MGMT: variants seen among roughly 807,000 people sequenced by gnomAD.
MGMT encodes O-6-methylguanine-DNA methyltransferase.
A neutral mutation model predicts 15.9 loss-of-function variants in MGMT; 14 were observed. The ratio of observed to expected loss-of-function variants is 0.88; its 90% CI spans 0.58 to 1.37. MGMT has a LOEUF of 1.37. Ranked by LOEUF, MGMT falls within the 40% of genes most tolerant of loss-of-function variation. The pLI, the probability that MGMT is intolerant of heterozygous loss-of-function variation, is 0.00. For synonymous variants in MGMT, 130 were observed against 118.2 expected (o/e 1.10, Z -0.65); for missense variants, 282 against 268.1 (o/e 1.05, Z -0.36).
intron 1 of MGMT, among the ~76,000 whole-genome samples, chr10:129,518,801 G>A (rs1201805002): frequency 1.3e-5 from 2 of 151,684 alleles, no homozygotes; most frequent in Non-Finnish European, 2.9e-5. Flanking sequence ...GGTATTAGCA[G>A]TTAAGTTTTG....
At chr10:129,718,583 T>C (rs1201862341) in intron 3 of MGMT, among the ~76,000 whole-genome samples, 2 of 152,200 alleles carry the variant, frequency 1.3e-5, no homozygotes, top group African/African-American at 4.8e-5. Flanking sequence ...TCTTCATGGG[T>C]CTTCCAGGAT....
At chr10:129,507,908 A>C (rs1845642030) in intron 1 of MGMT, among the ~76,000 whole-genome samples, 1 of 152,254 alleles carries the variant, frequency 6.6e-6, no homozygotes, top group Non-Finnish European at 1.5e-5. Context: ...TTCTCATTCC[A>C]CCACAGGTTT....
intron 2 of MGMT, among the ~76,000 whole-genome samples, chr10:129,565,263 A>T (rs117716454): frequency 6.6e-6 from 1 of 151,376 alleles, no homozygotes; most frequent in African/African-American, 2.4e-5. Context: ...AATTATAGGT[A>T]CCTTGAGCTA....
At chr10:129,524,174 T>C (rs1845843944) in intron 1 of MGMT, among the ~76,000 whole-genome samples, 1 of 152,114 alleles carries the variant, frequency 6.6e-6, no homozygotes, top group Non-Finnish European at 1.5e-5. Context: ...CGGGGACGGC[T>C]CCAGGGTTCT....
At chr10:129,736,640 C>G (rs1848565824) in intron 3 of MGMT, among the ~76,000 whole-genome samples, 1 of 152,282 alleles carries the variant, frequency 6.6e-6, no homozygotes, top group East Asian at 1.9e-4. Context: ...TTAGTTGATG[C>G]AGTTTTTTCC....
intron 4 of MGMT, among the ~76,000 whole-genome samples, chr10:129,760,359 G>A (rs926000390): frequency 1.3e-5 from 2 of 152,240 alleles, no homozygotes; most frequent in East Asian, 1.9e-4. Flanking sequence ...GTGTGGTCAC[G>A]TTGGCAGTGT....
chr10:129,672,185 G>T (rs1223775979), intron 2 of MGMT, among the ~76,000 whole-genome samples: 1 of 152,216 alleles, frequency 6.6e-6, no homozygotes, highest in Middle Eastern at 3.4e-3. Flanking sequence ...ATTTGTTATA[G>T]GGGTCTAGGT....
intron 2 of MGMT, among the ~76,000 whole-genome samples, chr10:129,579,899 C>G (rs1846532190): frequency 6.6e-6 from 1 of 152,176 alleles, no homozygotes; most frequent in South Asian, 2.1e-4. Flanking sequence ...CAGAAAAGCC[C>G]TTGACACTTT....
intron 1 of MGMT, among the ~76,000 whole-genome samples, chr10:129,524,312 G>A (rs1158860726): frequency 1.3e-5 from 2 of 152,168 alleles, no homozygotes; most frequent in Non-Finnish European, 2.9e-5. Context: ...CATTTTATCT[G>A]TATTTTGCCA....
intron 1 of MGMT, among the ~76,000 whole-genome samples, chr10:129,477,119 G>A (rs1209485778): frequency 6.6e-6 from 1 of 152,148 alleles, no homozygotes; most frequent in Non-Finnish European, 1.5e-5. Flanking sequence ...TCTTCCCAGA[G>A]CAGCCTCTGC....
chr10:129,545,700 C>T (rs1202638764), intron 2 of MGMT, among the ~76,000 whole-genome samples: 2 of 152,190 alleles, frequency 1.3e-5, no homozygotes, highest in Non-Finnish European at 1.5e-5. Flanking sequence ...CTCTCATACT[C>T]TGGAATTTGA....
chr10:129,636,081 AAGTT>A (rs1433138227), intron 2 of MGMT, among the ~76,000 whole-genome samples: 4 of 152,164 alleles, frequency 2.6e-5, no homozygotes, highest in Non-Finnish European at 5.9e-5. Context: ...CTTTTTTCTC[AAGTT>A]AGTTAAGATT....
chr10:129,561,307 G>A (rs967368024), intron 2 of MGMT, among the ~76,000 whole-genome samples: 3 of 152,154 alleles, frequency 2.0e-5, no homozygotes, highest in Non-Finnish European at 4.4e-5. Context: ...AGCGACAGGG[G>A]TGGGTCAGGG....
At chr10:129,740,693 C>T (rs1175824052) in intron 3 of MGMT, among the ~76,000 whole-genome samples, 2 of 152,092 alleles carry the variant, frequency 1.3e-5, no homozygotes, top group African/African-American at 4.8e-5. Flanking sequence ...CATGGGATGC[C>T]TGCAGAGAGG....
rs1273379587 is a variant in MGMT, at chr10:129,767,054, G to A, written c.*57G>A. On this transcript the variant is annotated 3_prime_UTR_variant, in exon 5 of 5. Coordinates refer to ENST00000651593, the MANE Select transcript of MGMT (RefSeq NM_002412.5). ...ACACACGTGTAACACTGCATCGGAT[G>A]CGGGGCGTGGAGGCACCGCTGTATT... The A allele has an allele frequency of 7.0e-7, 1 of 1,429,266 alleles. No homozygotes were observed. Among genetic ancestry groups the A allele is most frequent in the African/African-American group, 1.4e-5 (1 of 70,914 alleles). The allele number at this position is 1,429,266 out of a possible 1,614,324, so 88.5% of individuals were successfully genotyped here. A position where few individuals can be genotyped will look rare whatever the true frequency, so the allele number is the denominator to read the frequency against.
intron 2 of MGMT, among the ~76,000 whole-genome samples, chr10:129,577,852 C>T (rs1589876121): frequency 6.6e-6 from 1 of 152,130 alleles, no homozygotes; most frequent in East Asian, 1.9e-4. Context: ...AAAAAACAAC[C>T]CCATCAAAAA....
intron 1 of MGMT, among the ~76,000 whole-genome samples, chr10:129,475,639 G>A (rs1589827145): frequency 6.6e-6 from 1 of 152,146 alleles, no homozygotes; most frequent in African/African-American, 2.4e-5. Context: ...GTTGTGCGGG[G>A]TGCGGGCCGA....
At chr10:129,500,372 G>T (rs1231282930) in intron 1 of MGMT, among the ~76,000 whole-genome samples, 3 of 152,132 alleles carry the variant, frequency 2.0e-5, no homozygotes, top group African/African-American at 7.2e-5. Context: ...GTGGTGAAGA[G>T]GCAGGGCTCT....
At chr10:129,473,475 C>T (rs1339389013) in intron 1 of MGMT, among the ~76,000 whole-genome samples, 1 of 152,186 alleles carries the variant, frequency 6.6e-6, no homozygotes, top group Non-Finnish European at 1.5e-5. Context: ...ATATGAGGAA[C>T]CCGGGCCTCG....
Sources: gnomAD v4.1 joint callset for allele counts (sites outside exome capture counted in the v4.1 genomes callset) on GRCh38, gnomAD v4.1.1 for gene constraint, MANE v1.5 for transcripts, NCBI Gene and HGNC (gene_info 2026-07-23, HGNC 2026-07-21) for gene names.